MAN1A2: variants seen among roughly 807,000 people sequenced by gnomAD.
MAN1A2 encodes mannosyl-oligosaccharide 1,2-alpha-mannosidase IB.
Under a neutral mutation model 75.7 loss-of-function variants are expected in MAN1A2, and 26 were observed. The observed-to-expected ratio is 0.34, with a 90% CI of 0.25 to 0.48. MAN1A2 has a LOEUF of 0.48. Among genes scored for constraint, MAN1A2 ranks in the 20% least tolerant of loss-of-function variants. The pLI, the probability that MAN1A2 is intolerant of heterozygous loss-of-function variation, is 0.99. For synonymous variants in MAN1A2, 247 were observed against 264.6 expected, an observed-to-expected ratio of 0.93 and a Z score of 0.65; for missense variants, 562 against 775.5, an observed-to-expected ratio of 0.72 and a Z score of 3.27.
In MAN1A2 at chr1:117,427,158, A is replaced by AT. The variant is rs35505705; in HGVS notation, c.855+6520dup. Among the ~76,000 whole-genome samples the AT allele has an allele frequency of 8.9e-3, 1,340 of 149,950 alleles. 7 individuals carry two copies. The highest frequency in any genetic ancestry group is 0.027 in the African/African-American group (1,097 of 41,150). The stretch of plus-strand genomic sequence containing the variant: ...ATGAAAAAAATAGGGAAAATGATCC[A>AT]TTTTTTTTTTTCCAAAAGTCAATCA... On this transcript the variant is annotated intron_variant, in intron 5 of 12. Transcript: ENST00000356554.
rs1022613808 is a variant in MAN1A2 at position 117,466,304 on chromosome 1, T to C, written c.1075-30T>C. On this transcript the variant is annotated intron_variant, in intron 7 of 12. Coordinates refer to ENST00000356554, the MANE Select transcript of MAN1A2 (RefSeq NM_006699.5). ...AAGCCTTGATGACACTTATTTTTAT[T>C]AATTGCATTCTTAATTTTATTTTAC... 4 of 1,409,832 alleles carry C rather than the reference T, an allele frequency of 2.8e-6. No homozygotes were observed. In the African/African-American group the frequency reaches 4.3e-5, roughly 15 times the overall value. 87.3% of individuals were successfully genotyped at this position (1,409,832 alleles called of 1,614,324 possible). A position where few individuals can be genotyped will look rare whatever the true frequency, so the allele number is the denominator to read the frequency against.
intron 9 of MAN1A2, chr1:117,495,067 A>T (rs1650998211): frequency 6.6e-6 from 1 of 151,744 alleles, no homozygotes; most frequent in Admixed American, 6.6e-5. Flanking sequence ...AAGGAAAAAA[A>T]TTGTATTTGT....
chr1:117,480,375 G>A (rs1027871315), intron 8 of MAN1A2, among the ~76,000 whole-genome samples: 1 of 151,736 alleles, frequency 6.6e-6, no homozygotes, highest in Non-Finnish European at 1.5e-5. Context: ...GCAATAATGG[G>A]ACTCACCTTG....
chr1:117,420,306 G>A (rs1570728534), intron 4 of MAN1A2, among the ~76,000 whole-genome samples: 1 of 152,136 alleles, frequency 6.6e-6, no homozygotes, highest in East Asian at 1.9e-4. Context: ...TAAATATCCT[G>A]ATAAGTTCAC....
intron 5 of MAN1A2, among the ~76,000 whole-genome samples, chr1:117,428,807 T>TA (rs56016305): frequency 1.2e-4 from 15 of 123,468 alleles, no homozygotes; most frequent in East Asian, 2.3e-4. Flanking sequence ...TTTTTTTTTT[T>TA]AAATTTATTT....
chr1:117,442,367 G>T, intron 6 of MAN1A2, 42 bp downstream of exon 6: 1 of 1,350,930 alleles, frequency 7.4e-7, no homozygotes, highest in South Asian at 1.2e-5. Context: ...GAATTATTTT[G>T]ACCTTTTTAG....
chr1:117,411,727 G>A (rs1302849345), intron 3 of MAN1A2, among the ~76,000 whole-genome samples: 1 of 151,726 alleles, frequency 6.6e-6, no homozygotes, highest in Non-Finnish European at 1.5e-5. Context: ...TGAATAGCCA[G>A]TAAGCACATC....
At chr1:117,509,457 T>C (rs1651466050) in intron 12 of MAN1A2, among the ~76,000 whole-genome samples, 1 of 151,944 alleles carries the variant, frequency 6.6e-6, no homozygotes, top group South Asian at 2.1e-4. Context: ...TTTTTCGTTG[T>C]TGTTAAGGAA....
intron 5 of MAN1A2, among the ~76,000 whole-genome samples, chr1:117,438,220 A>G (rs1648907542): frequency 6.6e-6 from 1 of 152,214 alleles, no homozygotes; most frequent in Non-Finnish European, 1.5e-5. Flanking sequence ...GCCTAGGCCA[A>G]TGTTTGTGTT....
intron 8 of MAN1A2, among the ~76,000 whole-genome samples, chr1:117,474,537 A>T (rs1650258099): frequency 6.6e-6 from 1 of 151,434 alleles, no homozygotes; most frequent in Non-Finnish European, 1.5e-5. Context: ...TATCTTTAGT[A>T]AAAATAGTAT....
chr1:117,476,536 A>G (rs1446021003), intron 8 of MAN1A2, among the ~76,000 whole-genome samples: 2 of 152,062 alleles, frequency 1.3e-5, no homozygotes, highest in South Asian at 2.1e-4. Context: ...ATTTTTGTCT[A>G]AGGTGTAAGG....
intron 8 of MAN1A2, among the ~76,000 whole-genome samples, chr1:117,488,888 G>C (rs1428919017): frequency 6.6e-6 from 1 of 152,070 alleles, no homozygotes; most frequent in Non-Finnish European, 1.5e-5. Flanking sequence ...AGTGTCTAAA[G>C]TTAAAATTGA....
intron 3 of MAN1A2, among the ~76,000 whole-genome samples, chr1:117,412,525 C>T (rs1215689785): frequency 3.3e-5 from 5 of 151,456 alleles, no homozygotes; most frequent in South Asian, 2.1e-4. Flanking sequence ...TTATTTTGCT[C>T]AAATTTGTTT....
intron 7 of MAN1A2, among the ~76,000 whole-genome samples, chr1:117,462,876 A>G (rs1570763834): frequency 6.6e-6 from 1 of 152,142 alleles, no homozygotes; most frequent in African/African-American, 2.4e-5. Flanking sequence ...GACTACAGAT[A>G]CATCTGGGAT....
chr1:117,521,582 G>A (rs1651872784), intron 12 of MAN1A2, among the ~76,000 whole-genome samples: 1 of 151,980 alleles, frequency 6.6e-6, no homozygotes, highest in African/African-American at 2.4e-5. Context: ...TAGTGGGAAC[G>A]TAAACTTACA....
chr1:117,379,271 G>T (rs919066089), intron 1 of MAN1A2, among the ~76,000 whole-genome samples: 2 of 151,788 alleles, frequency 1.3e-5, no homozygotes, highest in Non-Finnish European at 2.9e-5. Flanking sequence ...TGTCATTTCT[G>T]CAATATAAAT....
intron 12 of MAN1A2, among the ~76,000 whole-genome samples, chr1:117,504,580 A>G (rs1257317453): frequency 2.0e-5 from 3 of 151,394 alleles, no homozygotes; most frequent in African/African-American, 7.3e-5. Context: ...TAATATTCAT[A>G]TAATAATGTT....
chr1:117,482,821 A>T (rs912147720), intron 8 of MAN1A2, among the ~76,000 whole-genome samples: 1 of 152,052 alleles, frequency 6.6e-6, no homozygotes, highest in Non-Finnish European at 1.5e-5. Flanking sequence ...TCCCATGCCT[A>T]TATCCTGAAT....
chr1:117,510,213 A>G (rs914084580), intron 12 of MAN1A2, among the ~76,000 whole-genome samples: 1 of 152,110 alleles, frequency 6.6e-6, no homozygotes, highest in Admixed American at 6.6e-5. Context: ...TGTTGGTTAG[A>G]TTCCTAGAAG....
Sources: allele counts gnomAD v4.1 joint callset (sites outside exome capture counted in the v4.1 genomes callset), GRCh38; gene constraint gnomAD v4.1.1; transcripts MANE v1.5; gene names NCBI Gene and HGNC (gene_info 2026-07-23, HGNC 2026-07-21).